PTPRD: variants seen among roughly 807,000 people sequenced by gnomAD.
PTPRD encodes the protein receptor-type tyrosine-protein phosphatase delta.
A neutral mutation model predicts 214.5 loss-of-function variants in PTPRD; 34 were observed. The ratio of observed to expected loss-of-function variants is 0.16; its 90% confidence interval spans 0.12 to 0.21. The LOEUF (loss-of-function observed/expected upper bound fraction) is 0.21. Ranked by LOEUF, PTPRD falls within the 10% of genes least tolerant of loss-of-function variation. The pLI is 1.00. For synonymous variants in PTPRD, 1,128 were observed against 845.7 expected, an observed-to-expected ratio of 1.33 and a Z score of -5.79; for missense variants, 2,545 against 2,398.7, an observed-to-expected ratio of 1.06 and a Z score of -1.27.
chr9:8,501,970 T>A (rs1282296327), intron 23 of PTPRD, among the ~76,000 whole-genome samples: 3 of 152,156 alleles, frequency 2.0e-5, no homozygotes. Flanking sequence ...ACTGTTTTTT[T>A]AAAAACCCAA....
chr9:8,385,600 G>A (rs553761352), intron 37 of PTPRD, among the ~76,000 whole-genome samples: 8 of 152,198 alleles, frequency 5.3e-5, no homozygotes, highest in South Asian at 2.1e-4. Flanking sequence ...GGACAATTTC[G>A]TAGCACCATA....
intron 10 of PTPRD, among the ~76,000 whole-genome samples, chr9:9,172,529 C>T (rs954396304): frequency 6.6e-6 from 1 of 151,982 alleles, no homozygotes; most frequent in East Asian, 1.9e-4. Context: ...TCTGTGTTTC[C>T]CATGTTTTGG....
intron 2 of PTPRD, among the ~76,000 whole-genome samples, chr9:10,522,903 G>T (rs1054904907): frequency 2.6e-5 from 4 of 151,718 alleles, no homozygotes; most frequent in Non-Finnish European, 5.9e-5. Context: ...ATCTAAGAAG[G>T]GTATTTCCTA....
intron 8 of PTPRD, among the ~76,000 whole-genome samples, chr9:9,542,567 C>T (rs565073616): frequency 6.6e-6 from 1 of 151,536 alleles, no homozygotes; most frequent in African/African-American, 2.4e-5. Context: ...GTATTTATAT[C>T]TAACATAGGT....
chr9:9,338,816 A>G (rs2045619772), intron 9 of PTPRD, among the ~76,000 whole-genome samples: 1 of 152,002 alleles, frequency 6.6e-6, no homozygotes, highest in East Asian at 1.9e-4. Context: ...TACATTAGGT[A>G]TTTCTCCTAA....
At chr9:9,075,099 T>C (rs926798726) in intron 10 of PTPRD, among the ~76,000 whole-genome samples, 1 of 152,098 alleles carries the variant, frequency 6.6e-6, no homozygotes, top group African/African-American at 2.4e-5. Context: ...TACTTTCCTA[T>C]GAAATTATTA....
intron 11 of PTPRD, among the ~76,000 whole-genome samples, chr9:9,006,321 CTCTTT>C (rs1282295681): frequency 1.3e-5 from 2 of 152,004 alleles, no homozygotes; most frequent in Non-Finnish European, 2.9e-5. Context: ...GATTCTCCTC[CTCTTT>C]TCTTTTTGTT....
chr9:10,508,661 T>C (rs561005807), intron 2 of PTPRD, among the ~76,000 whole-genome samples: 1 of 152,196 alleles, frequency 6.6e-6, no homozygotes, highest in African/African-American at 2.4e-5. Context: ...TGGATGAAGC[T>C]AGAAACCATC....
chr9:9,814,942 G>A (rs569134166), intron 5 of PTPRD, among the ~76,000 whole-genome samples: 9 of 151,624 alleles, frequency 5.9e-5, no homozygotes, highest in African/African-American at 1.9e-4. Context: ...TGGGACTACA[G>A]GTGCACGCCA....
At chr9:9,933,206 G>C (rs1169883278) in intron 5 of PTPRD, among the ~76,000 whole-genome samples, 1 of 152,118 alleles carries the variant, frequency 6.6e-6, no homozygotes, top group African/African-American at 2.4e-5. Flanking sequence ...CATAATGACA[G>C]GATCAAATTC....
At chr9:10,411,510 A>G (rs552591314) in intron 2 of PTPRD, among the ~76,000 whole-genome samples, 1 of 151,904 alleles carries the variant, frequency 6.6e-6, no homozygotes, top group South Asian at 2.1e-4. Context: ...GGTGATATTC[A>G]GAAAGTGTTG....
chr9:10,431,227 G>T (rs1476790921), intron 2 of PTPRD, among the ~76,000 whole-genome samples: 1 of 151,872 alleles, frequency 6.6e-6, no homozygotes, highest in Non-Finnish European at 1.5e-5. Context: ...TTCCAGTTTA[G>T]CCATATGTAG....
At chr9:8,940,793 A>G (rs866493773) in intron 11 of PTPRD, among the ~76,000 whole-genome samples, 20 of 150,076 alleles carry the variant, frequency 1.3e-4, no homozygotes, top group African/African-American at 4.9e-4. Flanking sequence ...GGTAGATCCT[A>G]TTCTCTTCTC....
intron 3 of PTPRD, among the ~76,000 whole-genome samples, chr9:10,143,764 G>A (rs1158884150): frequency 6.6e-6 from 1 of 152,100 alleles, no homozygotes; most frequent in Non-Finnish European, 1.5e-5. Context: ...CAACATGGAT[G>A]CAACTGGAGG....
chr9:9,128,279 G>A (rs1407169369), intron 10 of PTPRD, among the ~76,000 whole-genome samples: 1 of 152,058 alleles, frequency 6.6e-6, no homozygotes, highest in African/African-American at 2.4e-5. Context: ...AAAATATTTA[G>A]GTCATTAGCT....
At chr9:10,036,964 G>C (rs896400041) in intron 3 of PTPRD, among the ~76,000 whole-genome samples, 1 of 151,846 alleles carries the variant, frequency 6.6e-6, no homozygotes. Context: ...GTTTACTGCA[G>C]CTTCAATCTC....
chr9:9,212,420 T>G (rs2099949370), intron 9 of PTPRD, among the ~76,000 whole-genome samples: 1 of 152,158 alleles, frequency 6.6e-6, no homozygotes, highest in African/African-American at 2.4e-5. Flanking sequence ...TACACATTCC[T>G]ATTGTTGCCT....
At chr9:9,018,242 T>A (rs1424557268) in intron 11 of PTPRD, among the ~76,000 whole-genome samples, 2 of 152,152 alleles carry the variant, frequency 1.3e-5, no homozygotes, top group African/African-American at 4.8e-5. Context: ...AACAGAATCA[T>A]GGTTCCACAC....
chr9:10,272,852 G>A (rs1006563677), intron 3 of PTPRD, among the ~76,000 whole-genome samples: 3 of 152,170 alleles, frequency 2.0e-5, no homozygotes, highest in Non-Finnish European at 4.4e-5. Flanking sequence ...CCACACATGT[G>A]TGAATTTTTG....
Sources: allele counts gnomAD v4.1 joint callset (sites outside exome capture counted in the v4.1 genomes callset), GRCh38; gene constraint gnomAD v4.1.1; transcripts MANE v1.5; gene names NCBI Gene and HGNC (gene_info 2026-07-23, HGNC 2026-07-21).